PCDH15: variants seen among roughly 807,000 people sequenced by gnomAD.
The protein encoded by PCDH15 is protocadherin related 15.
Under a neutral mutation model 178.5 loss-of-function variants are expected in PCDH15, and 129 were observed. The ratio of observed to expected loss-of-function variants is 0.72; its 90% confidence interval spans 0.63 to 0.84. The LOEUF (loss-of-function observed/expected upper bound fraction) is 0.84. Ranked by LOEUF, PCDH15 falls within the 40% of genes least tolerant of loss-of-function variation. PCDH15 has a pLI of 0.00. For synonymous variants in PCDH15, 800 were observed against 732.0 expected, an observed-to-expected ratio of 1.09 and a Z score of -1.50; for missense variants, 2,230 against 2,099.9, an observed-to-expected ratio of 1.06 and a Z score of -1.21.
chr10:54,534,936 A>C (rs2084317189), intron 2 of PCDH15, among the ~76,000 whole-genome samples: 1 of 152,260 alleles, frequency 6.6e-6, no homozygotes, highest in Non-Finnish European at 1.5e-5. Context: ...ATGGAACAAT[A>C]ATCTAACTTG....
At chr10:53,992,476 A>G (rs2091587822) in intron 21 of PCDH15, among the ~76,000 whole-genome samples, 1 of 152,178 alleles carries the variant, frequency 6.6e-6, no homozygotes, top group African/African-American at 2.4e-5. Flanking sequence ...TGGTACAAAT[A>G]ATGCTTCACT....
chr10:53,869,934 C>T (rs997997550), intron 26 of PCDH15, among the ~76,000 whole-genome samples: 2 of 152,128 alleles, frequency 1.3e-5, no homozygotes, highest in African/African-American at 4.8e-5. Flanking sequence ...AAAATATGTT[C>T]TATTTTCTGT....
At chr10:54,302,869 C>G (rs2060224145) in intron 8 of PCDH15, among the ~76,000 whole-genome samples, 1 of 152,040 alleles carries the variant, frequency 6.6e-6, no homozygotes, top group South Asian at 2.1e-4. Flanking sequence ...ACAAAGGCCT[C>G]TTATCATGAT....
At chr10:54,797,084 C>G (rs1425512304) in intron 1 of PCDH15, among the ~76,000 whole-genome samples, 1 of 151,968 alleles carries the variant, frequency 6.6e-6, no homozygotes, top group African/African-American at 2.4e-5. Context: ...GCTGTCCTCC[C>G]CCGGTCAGGA....
chr10:53,832,510 A>G (rs1370328758), intron 29 of PCDH15, among the ~76,000 whole-genome samples: 2 of 151,912 alleles, frequency 1.3e-5, no homozygotes, highest in African/African-American at 2.4e-5. Flanking sequence ...AAACACAATT[A>G]CTCATAGTCC....
At chr10:54,497,129 T>C (rs2080196132) in intron 3 of PCDH15, among the ~76,000 whole-genome samples, 1 of 151,974 alleles carries the variant, frequency 6.6e-6, no homozygotes, top group African/African-American at 2.4e-5. Flanking sequence ...AGCCACATCC[T>C]GGTCCAAGCC....
intron 1 of PCDH15, among the ~76,000 whole-genome samples, chr10:55,172,318 C>CT (rs200531501): frequency 4.0e-5 from 6 of 151,504 alleles, no homozygotes; most frequent in Admixed American, 2.6e-4. Context: ...AATATTGCAG[C>CT]TTTTTTTTCA....
intron 2 of PCDH15, among the ~76,000 whole-genome samples, chr10:55,584,695 C>T (rs570223659): frequency 6.6e-6 from 1 of 150,586 alleles, no homozygotes; most frequent in Non-Finnish European, 1.5e-5. Flanking sequence ...AATTAAAATC[C>T]CAGGGCTTCA....
chr10:54,936,717 T>G (rs1028166691), intron 2 of PCDH15, among the ~76,000 whole-genome samples: 1 of 108,228 alleles, frequency 9.2e-6, no homozygotes, highest in African/African-American at 3.2e-5. Context: ...ATTTTTATTG[T>G]TTTTTTTTTT....
At chr10:54,229,297 T>A (rs530386232) in intron 9 of PCDH15, among the ~76,000 whole-genome samples, 7 of 152,350 alleles carry the variant, frequency 4.6e-5, no homozygotes, top group Admixed American at 4.6e-4. Flanking sequence ...ATACAATTAA[T>A]CATTTTCTAT....
At chr10:54,872,186 T>G (rs1000920818) in intron 3 of PCDH15, among the ~76,000 whole-genome samples, 23 of 151,892 alleles carry the variant, frequency 1.5e-4, no homozygotes, top group African/African-American at 5.1e-4. Flanking sequence ...TTTTAATAAA[T>G]AAGGAGAAAA....
At chr10:54,778,827 T>A (rs950334397) in intron 1 of PCDH15, among the ~76,000 whole-genome samples, 2 of 152,132 alleles carry the variant, frequency 1.3e-5, no homozygotes, top group African/African-American at 4.8e-5. Context: ...TCGCTATTTA[T>A]AAAGAGGTTC....
At chr10:53,850,242 G>T (rs1160814600) in intron 28 of PCDH15, among the ~76,000 whole-genome samples, 8 of 152,078 alleles carry the variant, frequency 5.3e-5, no homozygotes, top group Admixed American at 2.0e-4. Context: ...ACTAAAAACA[G>T]AATTTTAAAT....
At chr10:54,221,273 CTT>C (rs781261684) in intron 9 of PCDH15, among the ~76,000 whole-genome samples, 3 of 152,020 alleles carry the variant, frequency 2.0e-5, no homozygotes, top group Non-Finnish European at 4.4e-5. Flanking sequence ...ACGTTTTTCA[CTT>C]TTTCAGTATT....
intron 1 of PCDH15, among the ~76,000 whole-genome samples, chr10:54,721,985 C>A (rs914733873): frequency 7.9e-5 from 12 of 151,746 alleles, no homozygotes; most frequent in Non-Finnish European, 1.2e-4. Context: ...ACTAGCAAAC[C>A]AAATCCAACA....
intron 2 of PCDH15, among the ~76,000 whole-genome samples, chr10:55,379,793 C>T (rs990553342): frequency 2.6e-5 from 4 of 151,994 alleles, no homozygotes; most frequent in Non-Finnish European, 5.9e-5. Context: ...ATCAGACTCA[C>T]TTGTTTACTA....
At position 55,386,261 on chromosome 10, in the gene PCDH15, G is replaced by A. The variant is rs150952288; in HGVS notation, c.-155-219610C>T. Among the ~76,000 whole-genome samples, 73 of 151,762 alleles carry A rather than the reference G, an allele frequency of 4.8e-4. 1 individual carries two copies. The highest frequency in any genetic ancestry group is 1.6e-3 in the African/African-American group (68 of 41,438). On this transcript the variant is annotated intron_variant, in intron 2 of 5. Coordinates refer to the PCDH15 transcript ENST00000613346. ...ATGAGTAATTTTTATATCACACCCAGAAGTCATAAAAGAAGATAATATGAA... is the reference window on the plus strand; with the variant it reads ...ATGAGTAATTTTTATATCACACCCAAAAGTCATAAAAGAAGATAATATGAA...
Position 54,321,184 on chromosome 10 carries a change from ATATT to A in PCDH15, c.706-3747_706-3744del, listed in dbSNP as rs3069753. On this transcript the variant is annotated intron_variant, in intron 7 of 37. Transcript: ENST00000644397. ...ATTTGAAAATTTTTTTATTTATAAA[ATATT>A]TATTTATTTATTTATTTATTTTAGA... 1.5e-3 allele frequency among the ~76,000 whole-genome samples: 218 copies of A among 146,022 alleles called. 1 individual carries two copies. Among genetic ancestry groups the A allele is most frequent in the African/African-American group, 5.0e-3 (202 of 40,370 alleles).
At chr10:55,499,320 G>A (rs760302602) in intron 2 of PCDH15, among the ~76,000 whole-genome samples, 3 of 150,260 alleles carry the variant, frequency 2.0e-5, no homozygotes, top group Non-Finnish European at 4.4e-5. Flanking sequence ...AAATACATTT[G>A]AATACAAAAA....
Sources: allele counts gnomAD v4.1 joint callset (sites outside exome capture counted in the v4.1 genomes callset), GRCh38; gene constraint gnomAD v4.1.1; transcripts MANE v1.5; gene names NCBI Gene and HGNC (gene_info 2026-07-23, HGNC 2026-07-21).